The following NRDE2 variants were observed in gnomAD, a reference collection of about 807,000 sequenced individuals.
NRDE2 encodes the protein nuclear exosome regulator NRDE2.
NRDE2 carries 76 observed loss-of-function variants against 124.2 expected under a neutral mutation model. That is an observed-to-expected ratio of 0.61 (90% confidence interval 0.51 to 0.74). The LOEUF (loss-of-function observed/expected upper bound fraction) is 0.74. Ranked by LOEUF, NRDE2 falls within the 30% of genes least tolerant of loss-of-function variation. The probability of loss-of-function intolerance (pLI) is 0.00; values close to 1 mark genes in which losing one functional copy is unlikely to be tolerated. For synonymous variants in NRDE2, 489 were observed against 528.1 expected (o/e 0.93, Z 1.01); for missense variants, 1,314 against 1,417.3 (o/e 0.93, Z 1.17).
intron 12 of NRDE2, among the ~76,000 whole-genome samples, chr14:90,284,760 C>T (rs1005074453): frequency 5.3e-5 from 8 of 151,996 alleles, no homozygotes; most frequent in African/African-American, 1.9e-4. Context: ...CAAGAGGCCT[C>T]GAAGACTGTT....
At position 90,288,092 on chromosome 14, in the gene NRDE2, G is replaced by A. The variant is rs144099237; in HGVS notation, c.3158+125C>T. 22 of 828,338 alleles carry A rather than the reference G, an allele frequency of 2.7e-5. No homozygotes were observed. In the Admixed American group the frequency reaches 3.9e-4, roughly 15 times the overall value. 51.3% of individuals were successfully genotyped at this position (828,338 alleles called of 1,614,324 possible). On this transcript the variant is annotated intron_variant, in intron 11 of 13. Transcript: ENST00000354366. ...TATCCTATGACACCTACAGCCCCAC[G>A]GCAGGTGTTCTGGGCACCGTGCCAT...
In NRDE2 at chr14:90,301,338, C is replaced by T; in HGVS notation, c.1446G>A (p.Gln482=). The T allele has an allele frequency of 1.2e-6, 2 of 1,613,978 alleles. No individual in the cohort carries two copies. Among genetic ancestry groups the T allele is most frequent in the South Asian group, 2.2e-5 (2 of 91,074 alleles). The change falls in exon 7 of 14, where the codon CAG becomes CAA. Residue 482 remains glutamine (Q), a synonymous_variant. Coordinates refer to ENST00000354366, the MANE Select transcript of NRDE2 (RefSeq NM_017970.4). Reference sequence around the variant, plus strand: ...AGATGGCCTTCTCAGAGTGGCCAGCCTGCCGCAGAAAGTGGCACTGCTGAA... The same window carrying T: ...AGATGGCCTTCTCAGAGTGGCCAGCTTGCCGCAGAAAGTGGCACTGCTGAA... The part of the protein sequence containing the change: ...LFLQQCHFLR[Q]AGHSEKAISL...
chr14:90,314,670 A>G (rs1045584315), intron 3 of NRDE2, among the ~76,000 whole-genome samples: 1 of 152,308 alleles, frequency 6.6e-6, no homozygotes, highest in African/African-American at 2.4e-5. Context: ...AGCTTGCTTT[A>G]AAGACACAGT....
At chr14:90,310,403 G>T (rs1884783541) in intron 4 of NRDE2, among the ~76,000 whole-genome samples, 1 of 152,072 alleles carries the variant, frequency 6.6e-6, no homozygotes, top group Non-Finnish European at 1.5e-5. Context: ...AAATGAAGAG[G>T]GTTCTCCTCG....
intron 1 of NRDE2, among the ~76,000 whole-genome samples, chr14:90,320,252 T>C (rs563566334): frequency 1.3e-5 from 2 of 152,330 alleles, no homozygotes; most frequent in African/African-American, 2.4e-5. Context: ...TAGTTCCACA[T>C]AGCTGGGGAG....
chr14:90,300,307 A>G (rs1210942574), intron 7 of NRDE2, among the ~76,000 whole-genome samples: 1 of 152,264 alleles, frequency 6.6e-6, no homozygotes, highest in African/African-American at 2.4e-5. Flanking sequence ...GATTGATTAT[A>G]GCAATTTAAC....
intron 7 of NRDE2, among the ~76,000 whole-genome samples, chr14:90,299,401 A>G (rs60971518): frequency 0.49 from 44,486 of 91,400 alleles, 6,549 homozygotes; most frequent in South Asian, 0.58. Context: ...CATTCATTCG[A>G]GCATTAGGTG....
rs1442213354 is a variant in NRDE2 at position 90,288,982 on chromosome 14, T to A, written c.2393A>T (p.Asp798Val). Residue 798 changes from aspartate to valine, a missense_variant, in exon 11 of 14, where the codon GAT becomes GTT. Transcript: ENST00000354366. Reference sequence around the variant, plus strand: ...TGCTGTGTCAAAAACTTTTCTGGCATCCTCCGTGTTGCCAAGCAACCACTC... The same window carrying A: ...TGCTGTGTCAAAAACTTTTCTGGCAACCTCCGTGTTGCCAAGCAACCACTC... ...HLEWLLGNTE[D>V]ARKVFDTALG... 1.2e-6 allele frequency: 2 copies of A among 1,613,168 alleles called. No homozygotes were observed. The highest frequency in any genetic ancestry group is 1.7e-5 in the Admixed American group (1 of 60,020).
At chr14:90,306,624 A>G (rs1171328943) in intron 4 of NRDE2, among the ~76,000 whole-genome samples, 1 of 151,996 alleles carries the variant, frequency 6.6e-6, no homozygotes, top group Non-Finnish European at 1.5e-5. Flanking sequence ...CGGTCTGGCT[A>G]ACATGGTGAA....
At chr14:90,319,343 C>A (rs1885161269) in intron 1 of NRDE2, among the ~76,000 whole-genome samples, 1 of 152,070 alleles carries the variant, frequency 6.6e-6, no homozygotes. Context: ...AATTTACATA[C>A]CATAACTCAG....
rs1210714359 is a variant in NRDE2, at chr14:90,304,076, A to C, written c.864T>G (p.Pro288=). ...CTGGCTGCTTTGATTCCTGCTCTGG[A>C]GGACCCTGTCCTTGTAGCCAATGTG... ...STTHWLQGQG[P]PEQESKQPDA... is the part of the protein sequence containing the mutation. The change falls in exon 5 of 14, where the codon CCT becomes CCG. Residue 288 remains proline, a synonymous_variant. Transcript: ENST00000354366. 1 of 1,614,180 alleles carries C rather than the reference A, an allele frequency of 6.2e-7. No homozygotes were observed. Among genetic ancestry groups the C allele is most frequent in the Non-Finnish European group, 8.5e-7 (1 of 1,180,022 alleles).
intron 11 of NRDE2, among the ~76,000 whole-genome samples, chr14:90,287,460 AT>A (rs1892139286): frequency 6.6e-6 from 1 of 151,876 alleles, no homozygotes; most frequent in South Asian, 2.1e-4. Flanking sequence ...TCTACAAAAA[AT>A]AAAAAATAAA....
At chr14:90,285,426 C>G (rs1892077166) in intron 12 of NRDE2, among the ~76,000 whole-genome samples, 1 of 151,376 alleles carries the variant, frequency 6.6e-6, no homozygotes, top group Non-Finnish European at 1.5e-5. Flanking sequence ...CTTAGCCTCC[C>G]AGGTGGCTGG....
chr14:90,308,788 G>C (rs910183475), intron 4 of NRDE2, among the ~76,000 whole-genome samples: 1 of 152,130 alleles, frequency 6.6e-6, no homozygotes, highest in Non-Finnish European at 1.5e-5. Context: ...CCCACAGCTC[G>C]CAAGTCACAA....
chr14:90,309,202 G>A (rs141421415), intron 4 of NRDE2, among the ~76,000 whole-genome samples: 186 of 151,486 alleles, frequency 1.2e-3, no homozygotes, highest in Non-Finnish European at 2.3e-3. Flanking sequence ...TGGAGAGAGG[G>A]AAGCAAATGG....
Position 90,286,470 on chromosome 14 carries a change from C to T in NRDE2, c.3181G>A (p.Ala1061Thr), listed in dbSNP as rs144412283. 6.8e-5 allele frequency: 110 copies of T among 1,613,700 alleles called. No homozygotes were observed. The highest frequency in any genetic ancestry group is 7.8e-5 in the Non-Finnish European group (92 of 1,179,890). The stretch of plus-strand genomic sequence containing the variant: ...ATTAAGCCGGTCTCAGGAATTGTGG[C>T]GTGGATCTCTCTACCGTCTAACCTG... ...VQRLDGREIH[A>T]TIPETGLMHR... is the part of the protein sequence containing the mutation. Residue 1061 changes from alanine to threonine, a missense_variant, in exon 12 of 14, where the codon GCC becomes ACC. Physicochemically the swap from Ala to Thr is moderately conservative, Grantham distance 58. Coordinates refer to ENST00000354366, the MANE Select transcript of NRDE2 (RefSeq NM_017970.4).
At position 90,316,717 on chromosome 14, in the gene NRDE2, T is replaced by C; in HGVS notation, c.268A>G (p.Arg90Gly). 1 of 1,613,298 alleles carries C rather than the reference T, an allele frequency of 6.2e-7. No individual in the cohort carries two copies. Among genetic ancestry groups the C allele is most frequent in the Non-Finnish European group, 8.5e-7 (1 of 1,179,576 alleles). Residue 90 changes from arginine to glycine, a missense_variant, in exon 3 of 14, where the codon AGG becomes GGG. By Grantham distance (125) the Arg-to-Gly change is moderately radical. Transcript: ENST00000354366. ...RKKKKEKKKK[R>G]KHQHHKKTKR... Reference sequence around the variant, plus strand: ...GTTTTCTTATGATGCTGATGCTTCCTTTTTTTCTTTTTCTCTTTCTTCTTT... The same window carrying C: ...GTTTTCTTATGATGCTGATGCTTCCCTTTTTTCTTTTTCTCTTTCTTCTTT...
At chr14:90,281,994 GTAAAAGAAAATC>G (rs1891966422) in intron 12 of NRDE2, among the ~76,000 whole-genome samples, 1 of 152,124 alleles carries the variant, frequency 6.6e-6, no homozygotes, top group East Asian at 1.9e-4. Flanking sequence ...ATACTAGAGG[GTAAAAGAAAATC>G]TAATGATTCA....
In NRDE2 at chr14:90,274,838, A is replaced by ACACACACACAC. The variant is rs1491397403; in HGVS notation, c.*3497_*3498insGTGTGTGTGTG. 1 of 67,186 alleles carries ACACACACACAC rather than the reference A, an allele frequency of 1.5e-5. No homozygotes were observed. The highest frequency in any genetic ancestry group is 3.4e-4 in the East Asian group (1 of 2,966). 4.2% of individuals were successfully genotyped at this position (67,186 alleles called of 1,614,324 possible). A position where few individuals can be genotyped will look rare whatever the true frequency, so the allele number is the denominator to read the frequency against. On this transcript the variant is annotated 3_prime_UTR_variant, in exon 14 of 14. Coordinates refer to ENST00000354366, the MANE Select transcript of NRDE2 (RefSeq NM_017970.4). ...CACACACACACACACACACACACAC[A>ACACACACACAC]CCCCAATACATATGAATTGATCTGA... is the stretch of plus-strand genomic sequence containing the variant.
Sources: allele counts gnomAD v4.1 joint callset (sites outside exome capture counted in the v4.1 genomes callset), GRCh38; gene constraint gnomAD v4.1.1; transcripts MANE v1.5; gene names NCBI Gene and HGNC (gene_info 2026-07-23, HGNC 2026-07-21).